PTCH1: variants seen among roughly 807,000 people sequenced by gnomAD.
PTCH1 encodes protein patched homolog 1.
Under a neutral mutation model 144.6 loss-of-function variants are expected in PTCH1, and 14 were observed. The observed-to-expected ratio is 0.10, with a 90% confidence interval of 0.06 to 0.15. PTCH1 has a LOEUF of 0.15. Among genes scored for constraint, PTCH1 ranks in the 10% least tolerant of loss-of-function variants. The probability of loss-of-function intolerance (pLI) is 1.00; values close to 1 mark genes in which losing one functional copy is unlikely to be tolerated. For missense variants in PTCH1, 1,623 were observed against 1,948.3 expected (o/e 0.83, Z 3.14); for synonymous variants, 833 against 793.6 (o/e 1.05, Z -0.83).
intron 4 of PTCH1, 43 bp downstream of exon 4, chr9:95,482,090 TG>T: frequency 6.2e-7 from 1 of 1,609,222 alleles, no homozygotes; most frequent in Non-Finnish European, 8.5e-7. Context: ...GGCACACTAC[TG>T]GGGTGTTCCT....
chr9:95,478,256 C>A, intron 8 of PTCH1, 70 bp from the exon 9 acceptor site: 1 of 1,604,184 alleles, frequency 6.2e-7, no homozygotes, highest in East Asian at 2.2e-5. Context: ...CAGCACAGAT[C>A]TCAGGTGACA....
intron 2 of PTCH1, among the ~76,000 whole-genome samples, chr9:95,497,660 G>C (rs1411229278): frequency 6.6e-6 from 1 of 152,136 alleles, no homozygotes; most frequent in Non-Finnish European, 1.5e-5. Flanking sequence ...TGACAAGAGC[G>C]CTCTTCCTGT....
rs1588574104 is a variant in PTCH1 at position 95,468,849 on chromosome 9, A to G, written c.2152T>C (p.Ser718Pro). ...GGGGGCTCGAGGCAGTGGAGGCTGG[A>G]GTCGGAGAACTGGGAGAGCAGGTCC... is the stretch of plus-strand genomic sequence containing the variant. The part of the protein sequence containing the change: ...TRDLLSQFSD[S>P]SLHCLEPPCT... The change falls in exon 14 of 24, where the codon TCC (serine) becomes CCC (proline). Residue 718 changes from serine (S) to proline (P), a missense_variant. By Grantham distance (74) the Ser-to-Pro change is moderately conservative (BLOSUM62 -1). Coordinates refer to ENST00000331920, the MANE Select transcript of PTCH1 (RefSeq NM_000264.5). The G allele has an allele frequency of 6.2e-7, 1 of 1,614,176 alleles. No homozygotes were observed. The highest frequency in any genetic ancestry group is 2.2e-5 in the East Asian group (1 of 44,866).
chr9:95,496,128 C>A (rs1382394452), intron 2 of PTCH1, among the ~76,000 whole-genome samples: 1 of 152,286 alleles, frequency 6.6e-6, no homozygotes, highest in East Asian at 1.9e-4. Flanking sequence ...CCCTGCCGAC[C>A]CCTGACATAA....
chr9:95,509,895 C>T (rs1203800348), upstream of PTCH1, among the ~76,000 whole-genome samples: 2 of 151,810 alleles, frequency 1.3e-5, no homozygotes, highest in African/African-American at 4.8e-5. Context: ...AACAACGCCT[C>T]GCATTAAGAT....
Position 95,446,238 on chromosome 9 carries a change from AAAT to A in PTCH1, c.*152_*154del, listed in dbSNP as rs1409043099. On this transcript the variant is annotated 3_prime_UTR_variant, in exon 24 of 24. Transcript: ENST00000331920. ...TAAATATTTATAGAAATATTTAACA[AAAT>A]AATACAATCGGTTACAGTAACAATG... is the stretch of plus-strand genomic sequence containing the variant. 3 of 407,536 alleles carry A rather than the reference AAAT, an allele frequency of 7.4e-6. No individual in the cohort carries two copies. The Admixed American group carries it at 9.3e-5, about 13-fold the overall frequency. 25.2% of individuals were successfully genotyped at this position (407,536 alleles called of 1,614,324 possible).
intron 2 of PTCH1, among the ~76,000 whole-genome samples, chr9:95,490,520 G>GACACACACACACAC (rs35550307): frequency 2.1e-4 from 29 of 140,268 alleles, no homozygotes; most frequent in Non-Finnish European, 2.9e-4. Context: ...CCTTCTATGT[G>GACACACACACACAC]ACACACACAC....
At chr9:95,477,946 T>G (rs1458716570) in intron 9 of PTCH1, 109 bp downstream of exon 9, 102 of 1,570,394 alleles carry the variant, frequency 6.5e-5, no homozygotes, top group Non-Finnish European at 8.5e-5. Flanking sequence ...CTGTCCTGGA[T>G]GCACATCGAT....
Position 95,477,568 on chromosome 9 carries a change from G to A in PTCH1, c.1482C>T (p.Ser494=). ...GLGLCSLIGI[S]FNAATTQVLP... ...GTACCTGAGTTGTTGCAGCGTTAAAGGAAATTCCGATCAATGAGCACAGGC... is the reference window on the plus strand; with the variant it reads ...GTACCTGAGTTGTTGCAGCGTTAAAAGAAATTCCGATCAATGAGCACAGGC... Residue 494 remains serine, a synonymous_variant, in exon 10 of 24, where the codon TCC becomes TCT. Coordinates refer to ENST00000331920, the MANE Select transcript of PTCH1 (RefSeq NM_000264.5). 6.2e-7 allele frequency: 1 copy of A among 1,614,158 alleles called. No individual in the cohort carries two copies.
chr9:95,507,574 G>A (rs991197354), intron 1 of PTCH1: 7 of 426,512 alleles, frequency 1.6e-5, no homozygotes, highest in Middle Eastern at 1.1e-3. Flanking sequence ...AAACGGGGGG[G>A]ATATCTTTTT....
chr9:95,463,945 A>G (rs1029331363), intron 15 of PTCH1, among the ~76,000 whole-genome samples: 3 of 152,200 alleles, frequency 2.0e-5, no homozygotes, highest in Non-Finnish European at 2.9e-5. Flanking sequence ...TCCAGCATCA[A>G]TAACATCTGG....
chr9:95,510,926 G>C (rs1844119313), upstream of PTCH1, among the ~76,000 whole-genome samples: 1 of 150,602 alleles, frequency 6.6e-6, no homozygotes, highest in Admixed American at 6.6e-5. Context: ...CGGATGCGCC[G>C]GGCCGGCTCC....
exon 1 of PTCH1, chr9:95,516,931 T>C: frequency 1.1e-6 from 1 of 895,424 alleles, no homozygotes; most frequent in Non-Finnish European, 1.7e-6. Context: ...CAAAGTAAAC[T>C]CGAGGAACGT....
chr9:95,446,585 T>C (rs1412753054), intron 23 of PTCH1, 194 bp from the exon 24 acceptor site: 1 of 464,822 alleles, frequency 2.2e-6, no homozygotes, highest in Non-Finnish European at 4.0e-6. Flanking sequence ...TGCGTTCCCA[T>C]GTGACCAATT....
chr9:95,487,264 G>T (rs950474932), intron 2 of PTCH1, among the ~76,000 whole-genome samples: 1 of 152,218 alleles, frequency 6.6e-6, no homozygotes, highest in East Asian at 1.9e-4. Context: ...AACATACTGC[G>T]TGTGGGGTCG....
intron 2 of PTCH1, among the ~76,000 whole-genome samples, chr9:95,495,890 T>C (rs1842754215): frequency 6.6e-6 from 1 of 152,150 alleles, no homozygotes. Flanking sequence ...GGACCCTGCA[T>C]GAAGTACACA....
chr9:95,450,327 G>A (rs1317572162), intron 20 of PTCH1: 8 of 318,574 alleles, frequency 2.5e-5, no homozygotes, highest in Admixed American at 4.8e-5. Context: ...GGCCCCGCTC[G>A]TGAAAACCCA....
rs561142805 is a variant in PTCH1, at chr9:95,462,411, G to C, written c.2561-413C>G. On this transcript the variant is annotated intron_variant, in intron 15 of 23. Coordinates refer to ENST00000331920, the MANE Select transcript of PTCH1 (RefSeq NM_000264.5). ...ACAACCAGAAATTCCACACAGAGGG[G>C]AAAAAGCACATTCAAACTCCCCCAA... 1.1e-3 allele frequency among the ~76,000 whole-genome samples: 163 copies of C among 152,244 alleles called. 2 individuals carry two copies. The highest frequency in any genetic ancestry group is 1.1e-3 in the Non-Finnish European group (77 of 68,018).
chr9:95,506,983 C>T, intron 1 of PTCH1: 1 of 1,002,832 alleles, frequency 1.0e-6, no homozygotes, highest in Non-Finnish European at 1.2e-6. Context: ...CGATGGAGCC[C>T]AAGGTTCAGG....
Sources: allele counts gnomAD v4.1 joint callset (sites outside exome capture counted in the v4.1 genomes callset), GRCh38; gene constraint gnomAD v4.1.1; transcripts MANE v1.5; gene names NCBI Gene and HGNC (gene_info 2026-07-23, HGNC 2026-07-21).